Variants in MAIP1 observed in about 807,000 individuals in gnomAD.
MAIP1 encodes the protein m-AAA protease-interacting protein 1, mitochondrial.
A neutral mutation model predicts 31.2 loss-of-function variants in MAIP1; 28 were observed. The ratio of observed to expected loss-of-function variants is 0.90; its 90% CI spans 0.67 to 1.23. The LOEUF (loss-of-function observed/expected upper bound fraction) is 1.23, where lower values mean the gene tolerates loss of function less well. Ranked by LOEUF, MAIP1 falls within the 50% of genes most tolerant of loss-of-function variation. MAIP1 has a pLI of 0.00. For synonymous variants in MAIP1, 142 were observed against 142.3 expected, an observed-to-expected ratio of 1.00 and a Z score of 0.02; for missense variants, 339 against 356.0, an observed-to-expected ratio of 0.95 and a Z score of 0.38.
Position 199,959,788 on chromosome 2 carries a change from T to C in MAIP1, c.557T>C (p.Leu186Pro). 6.2e-7 allele frequency: 1 copy of C among 1,612,730 alleles called. No homozygotes were observed. Among genetic ancestry groups the C allele is most frequent in the Non-Finnish European group, 8.5e-7 (1 of 1,179,272 alleles). The part of the protein sequence containing the change: ...LHALKEKVTS[L>P]PDNHKNALAA... ...GCATTGAAAGAAAAGGTTACTTCACTACCTGACAACCATAAAAATGCCCTT... is the reference window on the plus strand; with the variant it reads ...GCATTGAAAGAAAAGGTTACTTCACCACCTGACAACCATAAAAATGCCCTT... Residue 186 changes from leucine to proline, a missense_variant, in exon 3 of 5, where the codon CTA (leucine) becomes CCA (proline). Leu to Pro is a moderately conservative substitution (Grantham distance 98, BLOSUM62 -3). Coordinates refer to ENST00000392290, the MANE Select transcript of MAIP1 (RefSeq NM_001394955.1).
chr2:199,957,056 T>TG (rs11439517), intron 1 of MAIP1, among the ~76,000 whole-genome samples: 1 of 150,146 alleles, frequency 6.7e-6, no homozygotes, highest in African/African-American at 2.4e-5. Flanking sequence ...TTTTTTTTTT[T>TG]GGACTCCTTT....
intron 3 of MAIP1, among the ~76,000 whole-genome samples, chr2:199,960,122 C>CA (rs1452384925): frequency 1.3e-5 from 2 of 152,202 alleles, no homozygotes; most frequent in East Asian, 3.8e-4. Context: ...AGAACATCAT[C>CA]ACTTACATTG....
chr2:199,958,886 C>T (rs900517689), intron 1 of MAIP1, among the ~76,000 whole-genome samples: 5 of 152,162 alleles, frequency 3.3e-5, no homozygotes, highest in Admixed American at 6.5e-5. Flanking sequence ...AATGCAGTCT[C>T]GACTGTTCTC....
chr2:199,963,815 T>C lies in MAIP1; in HGVS notation c.*4T>C. The C allele has an allele frequency of 3.1e-6, 5 of 1,597,752 alleles. No homozygotes were observed. The highest frequency in any genetic ancestry group is 4.3e-6 in the Non-Finnish European group (5 of 1,166,648). On this transcript the variant is annotated 3_prime_UTR_variant, in exon 5 of 5. Transcript: ENST00000392290. ...ACACTCAAAATTATTAGAATAATTT[T>C]CTTGGAAAAATCAGCTTATGGACTT... is the stretch of plus-strand genomic sequence containing the variant.
chr2:199,960,427 C>T (rs987374995), intron 3 of MAIP1, among the ~76,000 whole-genome samples: 1 of 152,136 alleles, frequency 6.6e-6, no homozygotes, highest in Admixed American at 6.5e-5. Flanking sequence ...CCTGATAATT[C>T]ACTGTTTGTT....
At position 199,956,112 on chromosome 2, in the gene MAIP1, A is replaced by G; in HGVS notation, c.314A>G (p.His105Arg). The change falls in exon 1 of 5, where the codon CAC (histidine) becomes CGC (arginine). Residue 105 changes from histidine (H) to arginine (R), a missense_variant. Transcript: ENST00000392290. ...SYSTEEKPQQ[H>R]QKTKMIVLGF... Reference sequence around the variant, plus strand: ...AGCACGGAGGAGAAGCCCCAGCAGCACCAGAAAACCAAGATGATCGTCCTG... The same window carrying G: ...AGCACGGAGGAGAAGCCCCAGCAGCGCCAGAAAACCAAGATGATCGTCCTG... The G allele has an allele frequency of 1.2e-6, 2 of 1,614,206 alleles. No homozygotes were observed. The highest frequency in any genetic ancestry group is 1.7e-6 in the Non-Finnish European group (2 of 1,180,048).
intron 3 of MAIP1, among the ~76,000 whole-genome samples, chr2:199,960,644 A>G (rs536774255): frequency 8.5e-5 from 13 of 152,296 alleles, no homozygotes; most frequent in Non-Finnish European, 1.5e-4. Context: ...AATAATCTAG[A>G]GATGATTTAA....
upstream of MAIP1, chr2:199,955,347 GTC>G (rs1203745267): frequency 6.3e-7 from 1 of 1,598,662 alleles, no homozygotes; most frequent in East Asian, 2.3e-5. Flanking sequence ...GTAAAGACGT[GTC>G]TCTCGCTGGT....
rs527274032 is a variant in MAIP1, at chr2:199,957,139, G to A, written c.450+891G>A. On this transcript the variant is annotated intron_variant, in intron 1 of 4. Transcript: ENST00000392290. Reference sequence around the variant, plus strand: ...AAGTCGGCCAGGCATGGCGGCTCACGCCTGTAATCCCAGTACTTTGGGAGG... The same window carrying A: ...AAGTCGGCCAGGCATGGCGGCTCACACCTGTAATCCCAGTACTTTGGGAGG... 2.7e-5 allele frequency among the ~76,000 whole-genome samples: 4 copies of A among 150,000 alleles called. No individual in the cohort carries two copies. The Admixed American group carries it at 2.7e-4, about 10-fold the overall frequency.
In MAIP1 at chr2:199,964,099, G is replaced by T. The variant is rs535559079; in HGVS notation, c.*288G>T. On this transcript the variant is annotated 3_prime_UTR_variant, in exon 5 of 5. Transcript: ENST00000392290. ...CATATAATTTTATAGACATAATAAA[G>T]AAGGTATTGAAAAAACTACTTACAA... is the stretch of plus-strand genomic sequence containing the variant. 1.1e-5 allele frequency: 2 copies of T among 187,114 alleles called. No individual in the cohort carries two copies. Among genetic ancestry groups the T allele is most frequent in the African/African-American group, 4.7e-5 (2 of 42,404 alleles). 11.6% of individuals were successfully genotyped at this position (187,114 alleles called of 1,614,324 possible).
At chr2:199,961,047 A>G (rs542044241) in intron 3 of MAIP1, among the ~76,000 whole-genome samples, 1 of 152,352 alleles carries the variant, frequency 6.6e-6, no homozygotes. Context: ...ATTGGGTAGA[A>G]TAGGAAGCCT....
At chr2:199,957,889 T>C (rs946770003) in intron 1 of MAIP1, among the ~76,000 whole-genome samples, 6 of 152,224 alleles carry the variant, frequency 3.9e-5, no homozygotes, top group African/African-American at 1.4e-4. Flanking sequence ...AGTTCATTTA[T>C]GTTTCAGTAA....
At position 199,956,171 on chromosome 2, in the gene MAIP1, C is replaced by T. The variant is rs767845669; in HGVS notation, c.373C>T (p.Arg125Ter). 6.2e-7 allele frequency: 1 copy of T among 1,614,172 alleles called. No individual in the cohort carries two copies. Among genetic ancestry groups the T allele is most frequent in the East Asian group, 2.2e-5 (1 of 44,884 alleles). ...CAACCCCATCAACTGGGTTAGGACT[C>T]GAATTAAGGCCTTCCTTATCTGGGC... ...FSNPINWVRT[R>*]IKAFLIWAYF... The change falls in exon 1 of 5, where the codon CGA becomes TGA. Residue 125 changes from arginine to a stop codon, truncating the protein, a stop_gained. Transcript: ENST00000392290. LOFTEE classifies it high-confidence loss of function.
At chr2:199,959,420 C>A in intron 2 of MAIP1, 81 bp downstream of exon 2, 1 of 838,134 alleles carries the variant, frequency 1.2e-6, no homozygotes, top group Non-Finnish European at 2.0e-6. Flanking sequence ...CTTATTTATG[C>A]TTAAAAATAG....
intron 1 of MAIP1, 94 bp downstream of exon 1, chr2:199,956,342 C>A: frequency 1.0e-6 from 1 of 997,976 alleles, no homozygotes; most frequent in Non-Finnish European, 1.5e-6. Context: ...CACTGGGATA[C>A]AAGTGATCAA....
rs564384653 is a variant in MAIP1, at chr2:199,956,125, G to C, written c.327G>C (p.Lys109Asn). 1 of 1,614,242 alleles carries C rather than the reference G, an allele frequency of 6.2e-7. No individual in the cohort carries two copies. The highest frequency in any genetic ancestry group is 1.1e-5 in the South Asian group (1 of 91,082). Reference sequence around the variant, plus strand: ...AGCCCCAGCAGCACCAGAAAACCAAGATGATCGTCCTGGGATTCTCCAACC... The same window carrying C: ...AGCCCCAGCAGCACCAGAAAACCAACATGATCGTCCTGGGATTCTCCAACC... Reference protein sequence around the residue: ...EEKPQQHQKTKMIVLGFSNPI... With the variant: ...EEKPQQHQKTNMIVLGFSNPI... The change falls in exon 1 of 5, where the codon AAG becomes AAC. Residue 109 changes from lysine to asparagine, a missense_variant. Transcript: ENST00000392290.
intron 1 of MAIP1, among the ~76,000 whole-genome samples, chr2:199,958,500 T>A (rs896323895): frequency 6.6e-6 from 1 of 152,210 alleles, no homozygotes; most frequent in Non-Finnish European, 1.5e-5. Context: ...GATTTCAGCT[T>A]AGATGTTTCT....
chr2:199,956,041 C>A lies in MAIP1; in HGVS notation c.243C>A (p.Leu81=). 6.2e-7 allele frequency: 1 copy of A among 1,610,186 alleles called. No individual in the cohort carries two copies. Among genetic ancestry groups the A allele is most frequent in the Non-Finnish European group, 8.5e-7 (1 of 1,178,066 alleles). The change falls in exon 1 of 5, where the codon CTC becomes CTA. Residue 81 remains leucine (L), a synonymous_variant. Coordinates refer to ENST00000392290, the MANE Select transcript of MAIP1 (RefSeq NM_001394955.1). The part of the protein sequence containing the change: ...SRWPVLSSPG[L]PAAFASFPAC... ...GGCCAGTGCTCAGCAGCCCGGGACT[C>A]CCCGCAGCCTTCGCTTCTTTCCCTG...
rs747927542 is a variant in MAIP1 at position 199,959,824 on chromosome 2, T to C, written c.593T>C (p.Ile198Thr). 19 of 1,612,142 alleles carry C rather than the reference T, an allele frequency of 1.2e-5. No individual in the cohort carries two copies. The highest frequency in any genetic ancestry group is 1.5e-5 in the Non-Finnish European group (18 of 1,178,708). The change falls in exon 3 of 5, where the codon ATA becomes ACA. Residue 198 changes from isoleucine (I) to threonine (T), a missense_variant. Physicochemically the swap from Ile to Thr is moderately conservative, Grantham distance 89. Transcript: ENST00000392290. Reference sequence around the variant, plus strand: ...CATAAAAATGCCCTTGCTGCTAACATAGATGAAATTGTATTTACATCAACA... The same window carrying C: ...CATAAAAATGCCCTTGCTGCTAACACAGATGAAATTGTATTTACATCAACA... ...DNHKNALAANIDEIVFTSTGD... is the reference protein window; with the variant it reads ...DNHKNALAANTDEIVFTSTGD...
Sources: allele counts gnomAD v4.1 joint callset (sites outside exome capture counted in the v4.1 genomes callset), GRCh38; gene constraint gnomAD v4.1.1; transcripts MANE v1.5; gene names NCBI Gene and HGNC (gene_info 2026-07-23, HGNC 2026-07-21).